GRIP2: variants seen among roughly 807,000 people sequenced by gnomAD.
The protein encoded by GRIP2 is glutamate receptor interacting protein 2.
In GRIP2, 58 loss-of-function variants were observed where a neutral mutation model predicts 108.3. The ratio of observed to expected loss-of-function variants is 0.54; its 90% CI spans 0.43 to 0.67. The LOEUF is 0.67. GRIP2 is among the 30% of genes least tolerant of loss of function. The probability of loss-of-function intolerance (pLI) is 0.00; values close to 1 mark genes in which losing one functional copy is unlikely to be tolerated. For synonymous variants in GRIP2, 586 were observed against 598.2 expected, an observed-to-expected ratio of 0.98 and a Z score of 0.30; for missense variants, 1,278 against 1,430.6, an observed-to-expected ratio of 0.89 and a Z score of 1.72.
chr3:14,523,898 G>A, intron 4 of GRIP2, 200 bp from the exon 5 acceptor site: 1 of 578,472 alleles, frequency 1.7e-6, no homozygotes, highest in South Asian at 2.2e-5. Context: ...ACCACTGAGA[G>A]AGAGGAAAGG....
the GRIP2 span, among the ~76,000 whole-genome samples, chr3:14,592,631 CG>C: frequency 6.6e-6 from 1 of 152,148 alleles, no homozygotes; most frequent in Admixed American, 6.5e-5. Context: ...CCAGCACCGG[CG>C]GGAGTGTTTG....
At chr3:14,538,302 C>T (rs890527600) in intron 1 of GRIP2, among the ~76,000 whole-genome samples, 6 of 152,092 alleles carry the variant, frequency 3.9e-5, no homozygotes, top group East Asian at 1.9e-4. Flanking sequence ...AGAGGCTCAG[C>T]GATCCATCAG....
At chr3:14,517,950 G>A in intron 9 of GRIP2, 53 bp from the exon 10 acceptor site, 1 of 1,470,122 alleles carries the variant, frequency 6.8e-7, no homozygotes, top group Non-Finnish European at 9.0e-7. Context: ...GTGGCTGAGG[G>A]CACTATGAAG....
upstream of GRIP2, among the ~76,000 whole-genome samples, chr3:14,542,826 T>C (rs1694999262): frequency 6.6e-6 from 1 of 152,174 alleles, no homozygotes; most frequent in Non-Finnish European, 1.5e-5. Flanking sequence ...AGAATTTAAA[T>C]AAATAACTTG....
Position 14,520,103 on chromosome 3 carries a change from G to C in GRIP2, c.1030+7C>G. On this transcript the variant is annotated splice_region_variant and intron_variant, in intron 9 of 23. Coordinates refer to ENST00000621039, the MANE Select transcript of GRIP2 (RefSeq NM_001080423.4). ...TTTGGGCCCTGAGATCTACTGAGGG[G>C]ACCCACCTGCCTCTGAGGGCCTCAG... The C allele has an allele frequency of 3.8e-6, 6 of 1,583,872 alleles. No homozygotes were observed. The highest frequency in any genetic ancestry group is 4.3e-6 in the Non-Finnish European group (5 of 1,166,492).
intron 23 of GRIP2, among the ~76,000 whole-genome samples, chr3:14,494,456 A>T (rs1262784767): frequency 6.6e-6 from 1 of 152,270 alleles, no homozygotes; most frequent in African/African-American, 2.4e-5. Flanking sequence ...GGTTTGGTCC[A>T]TCGGCTGTGA....
At chr3:14,517,680 G>A (rs1162086141) in intron 10 of GRIP2, 92 bp downstream of exon 10, 4 of 1,499,428 alleles carry the variant, frequency 2.7e-6, no homozygotes, top group Non-Finnish European at 3.6e-6. Context: ...TAATCTCTGA[G>A]TCTGAGTTTC....
At chr3:14,529,189 G>A (rs1019531294) in intron 1 of GRIP2, among the ~76,000 whole-genome samples, 1 of 150,052 alleles carries the variant, frequency 6.7e-6, no homozygotes, top group Admixed American at 6.6e-5. Context: ...TGAGGCAGGT[G>A]AATGGCGTGA....
At chr3:14,539,641 G>C (rs1694913482) in intron 1 of GRIP2, among the ~76,000 whole-genome samples, 1 of 152,210 alleles carries the variant, frequency 6.6e-6, no homozygotes. Flanking sequence ...GGAATAGGGT[G>C]AGCCCAGGCT....
At chr3:14,524,143 G>A (rs910593756) in intron 4 of GRIP2, 12 of 566,408 alleles carry the variant, frequency 2.1e-5, no homozygotes, top group Admixed American at 9.6e-5. Flanking sequence ...AACCCTCCCC[G>A]CTAAAGGAAA....
intron 21 of GRIP2, 138 bp downstream of exon 21, chr3:14,503,428 A>T: frequency 1.6e-6 from 1 of 633,504 alleles, no homozygotes; most frequent in Non-Finnish European, 2.8e-6. Context: ...ACCTTTTCCC[A>T]CAGGGTGCCC....
At chr3:14,581,194 T>G in the GRIP2 span, among the ~76,000 whole-genome samples, 1 of 152,180 alleles carries the variant, frequency 6.6e-6, no homozygotes, top group Non-Finnish European at 1.5e-5. Context: ...GAACTCTGAC[T>G]AATACACTCT....
chr3:14,523,815 T>C (rs1034245840), intron 4 of GRIP2, 117 bp from the exon 5 acceptor site: 2 of 729,022 alleles, frequency 2.7e-6, no homozygotes, highest in Non-Finnish European at 4.8e-6. Flanking sequence ...ACAGGGAGGG[T>C]AAACCCTTGC....
At chr3:14,533,100 C>T (rs946530177) in intron 1 of GRIP2, among the ~76,000 whole-genome samples, 1 of 152,256 alleles carries the variant, frequency 6.6e-6, no homozygotes, top group Non-Finnish European at 1.5e-5. Context: ...CTTCCACCTC[C>T]AGTTCACATC....
rs1004693578 is a variant in GRIP2 at position 14,511,618 on chromosome 3, C to T, written c.1721-139G>A. 9 of 792,926 alleles carry T rather than the reference C, an allele frequency of 1.1e-5. No individual in the cohort carries two copies. Among genetic ancestry groups the T allele is most frequent in the African/African-American group, 8.6e-5 (5 of 58,360 alleles). The allele number at this position is 792,926 out of a possible 1,614,324, so 49.1% of individuals were successfully genotyped here. Reference sequence around the variant, plus strand: ...TCCCACTGCTTCCTGGCTGGGTGACCGTGAGCAAATCAGCTCACCTCCCTG... The same window carrying T: ...TCCCACTGCTTCCTGGCTGGGTGACTGTGAGCAAATCAGCTCACCTCCCTG... On this transcript the variant is annotated intron_variant, in intron 14 of 23. Transcript: ENST00000621039. This position sits in a 1 kb window ranked among gnomAD's most constrained non-coding sequence, Gnocchi z 4.1.
rs1197467226 is a variant in GRIP2 at position 14,512,319 on chromosome 3, G to A, written c.1720+458C>T. 1.3e-5 allele frequency among the ~76,000 whole-genome samples: 2 copies of A among 152,174 alleles called. No homozygotes were observed. The highest frequency in any genetic ancestry group is 2.4e-5 in the African/African-American group (1 of 41,430). Reference sequence around the variant, plus strand: ...TTACTCAGAATAAGATGGGAGCCACGGGAGTGCTTTCACCTTTCCCATGCT... The same window carrying A: ...TTACTCAGAATAAGATGGGAGCCACAGGAGTGCTTTCACCTTTCCCATGCT... On this transcript the variant is annotated intron_variant, in intron 14 of 23. Coordinates refer to ENST00000621039, the MANE Select transcript of GRIP2 (RefSeq NM_001080423.4). The surrounding 1 kb of genome is among the most constrained non-coding windows in gnomAD (Gnocchi z 5.1).
Position 14,537,727 on chromosome 3 carries a change from A to G in GRIP2, c.40+2542T>C, listed in dbSNP as rs571261710. The stretch of plus-strand genomic sequence containing the variant: ...TCAGAGCCAAGGGGTAGGCCTGGTG[A>G]GGGCCCCTCGGAGGAGTGGGTAGCC... On this transcript the variant is annotated intron_variant, in intron 1 of 23. Transcript: ENST00000621039. Among the ~76,000 whole-genome samples, 23 of 152,288 alleles carry G rather than the reference A, an allele frequency of 1.5e-4. No homozygotes were observed. The South Asian group carries it at 4.1e-3, about 27-fold the overall frequency.
At chr3:14,558,925 G>A (rs763241065), upstream of GRIP2, among the ~76,000 whole-genome samples, 6 of 152,212 alleles carry the variant, frequency 3.9e-5, no homozygotes, top group Admixed American at 6.5e-5. Context: ...TGCCACCTAC[G>A]GCTGTCCTGG....
chr3:14,530,096 T>G, intron 1 of GRIP2, among the ~76,000 whole-genome samples: 1 of 152,206 alleles, frequency 6.6e-6, no homozygotes, highest in East Asian at 1.9e-4. Flanking sequence ...AGATCACAAA[T>G]CCTCAAAGGA....
Sources: gnomAD v4.1 joint callset for allele counts (sites outside exome capture counted in the v4.1 genomes callset) on GRCh38, gnomAD v4.1.1 for gene constraint, Gnocchi (gnomAD v3.1) non-coding constraint, MANE v1.5 for transcripts, NCBI Gene and HGNC (gene_info 2026-07-23, HGNC 2026-07-21) for gene names.